RNF216: variants seen among roughly 807,000 people sequenced by gnomAD.
The protein encoded by RNF216 is E3 ubiquitin-protein ligase RNF216.
In RNF216, 72 loss-of-function variants were observed where a neutral mutation model predicts 110.8. That is an observed-to-expected ratio of 0.65 (90% confidence interval 0.54 to 0.79). The LOEUF (loss-of-function observed/expected upper bound fraction) is 0.79, where lower values mean the gene tolerates loss of function less well. RNF216 is among the 30% of genes least tolerant of loss of function. The probability of loss-of-function intolerance (pLI) is 0.00; values close to 1 mark genes in which losing one functional copy is unlikely to be tolerated. For synonymous variants in RNF216, 495 were observed against 407.5 expected (o/e 1.21, Z -2.59); for missense variants, 1,342 against 1,141.2 (o/e 1.18, Z -2.54).
chr7:5,731,484 T>C (rs1794086418), intron 5 of RNF216, among the ~76,000 whole-genome samples: 1 of 151,392 alleles, frequency 6.6e-6, no homozygotes, highest in Non-Finnish European at 1.5e-5. Flanking sequence ...AGTAAGGCTA[T>C]ATAGAGTGAG....
intron 1 of RNF216, chr7:5,766,797 T>C (rs1317784988): frequency 6.6e-6 from 1 of 152,216 alleles, no homozygotes; most frequent in Non-Finnish European, 1.5e-5. Context: ...AAGTAACAAA[T>C]GTCTGTGGCA....
chr7:5,623,331 G>A (rs991970566), intron 16 of RNF216, 152 bp from the exon 17 acceptor site: 9 of 611,266 alleles, frequency 1.5e-5, no homozygotes, highest in Non-Finnish European at 2.4e-5. Context: ...GCCACTGCAA[G>A]AAACCAAGAA....
chr7:5,627,648 G>A (rs1385405515), intron 15 of RNF216, among the ~76,000 whole-genome samples: 1 of 152,050 alleles, frequency 6.6e-6, no homozygotes, highest in African/African-American at 2.4e-5. Context: ...TCGGGAGGCT[G>A]AGGCAGGAGA....
chr7:5,759,510 G>A (rs979130033), intron 2 of RNF216, among the ~76,000 whole-genome samples: 12 of 151,806 alleles, frequency 7.9e-5, no homozygotes, highest in African/African-American at 2.9e-4. Context: ...TCACTTTATT[G>A]TAAGAATACA....
intron 10 of RNF216, among the ~76,000 whole-genome samples, chr7:5,715,695 C>T (rs1793007960): frequency 6.6e-6 from 1 of 150,864 alleles, no homozygotes; most frequent in Non-Finnish European, 1.5e-5. Context: ...CTATTGACTC[C>T]TTTTATTAAC....
At chr7:5,695,402 C>A (rs900260738) in intron 13 of RNF216, among the ~76,000 whole-genome samples, 2 of 152,126 alleles carry the variant, frequency 1.3e-5, no homozygotes, top group African/African-American at 4.8e-5. Flanking sequence ...CCGGCAGAAG[C>A]GCCACATCGC....
intron 3 of RNF216, 57 bp from the exon 4 acceptor site, chr7:5,741,872 A>G: frequency 6.6e-7 from 1 of 1,522,582 alleles, no homozygotes; most frequent in Non-Finnish European, 8.8e-7. Context: ...ATCCCTCCTT[A>G]TGTACTTATA....
In RNF216 at chr7:5,752,965, G is replaced by A. The variant is rs367900007; in HGVS notation, c.82C>T (p.Arg28Ter). The A allele has an allele frequency of 4.3e-6, 7 of 1,610,776 alleles. No homozygotes were observed. Among genetic ancestry groups the A allele is most frequent in the South Asian group, 2.2e-5 (2 of 89,912 alleles). ...CHRGQEWINL[R>*]DGPITISDSS... ...TCAGATATGGTGATGGGCCCATCTC[G>A]GAGATTGATCCACTCTACAGGAAAG... The change falls in exon 3 of 17, where the codon CGA (arginine) becomes TGA (stop). Residue 28 changes from arginine to a stop codon, truncating the protein, a stop_gained. Transcript: ENST00000389902. LOFTEE classifies it high-confidence loss of function.
chr7:5,749,099 T>A (rs1445701501), intron 3 of RNF216, among the ~76,000 whole-genome samples: 4 of 151,788 alleles, frequency 2.6e-5, no homozygotes, highest in African/African-American at 9.7e-5. Flanking sequence ...TTTTGGTAAG[T>A]AAGACCATTT....
chr7:5,723,555 G>C (rs953451465), intron 8 of RNF216, among the ~76,000 whole-genome samples: 2 of 152,000 alleles, frequency 1.3e-5, no homozygotes, highest in African/African-American at 4.8e-5. Context: ...GCTGAGGTAG[G>C]AGAATGGCGT....
chr7:5,649,754 G>GTATTACTTTAA (rs1788273881), intron 14 of RNF216: 1 of 152,212 alleles, frequency 6.6e-6, no homozygotes, highest in Non-Finnish European at 1.5e-5. Flanking sequence ...ACAGAAGAAT[G>GTATTACTTTAA]GCTCTTGGAG....
intron 5 of RNF216, among the ~76,000 whole-genome samples, chr7:5,738,022 G>C (rs1164450825): frequency 6.8e-6 from 1 of 146,178 alleles, no homozygotes; most frequent in Non-Finnish European, 1.5e-5. Context: ...GGGAGGTGGA[G>C]ACTGCTGTTT....
intron 3 of RNF216, among the ~76,000 whole-genome samples, chr7:5,744,314 G>C (rs946419792): frequency 6.6e-6 from 1 of 152,194 alleles, no homozygotes; most frequent in African/African-American, 2.4e-5. Flanking sequence ...TTGAAAGCCA[G>C]GTCAGAATAG....
At chr7:5,694,632 T>A (rs566287646) in intron 13 of RNF216, among the ~76,000 whole-genome samples, 1 of 152,322 alleles carries the variant, frequency 6.6e-6, no homozygotes, top group South Asian at 2.1e-4. Flanking sequence ...AGCCAAAGGA[T>A]GAGGCCCACT....
chr7:5,666,895 T>C (rs1357617205), intron 13 of RNF216, among the ~76,000 whole-genome samples: 1 of 150,550 alleles, frequency 6.6e-6, no homozygotes, highest in African/African-American at 2.5e-5. Context: ...CATAGCTCAC[T>C]GGGCTCAAGC....
chr7:5,706,423 T>C (rs1049955517), intron 13 of RNF216, among the ~76,000 whole-genome samples: 12 of 152,122 alleles, frequency 7.9e-5, no homozygotes, highest in Non-Finnish European at 4.4e-5. Flanking sequence ...GGGTTCTACT[T>C]TGTGTTTCTA....
chr7:5,775,240 G>A (rs1057444369), intron 1 of RNF216: 2 of 152,122 alleles, frequency 1.3e-5, no homozygotes, highest in African/African-American at 2.4e-5. Flanking sequence ...CAGAAAATAT[G>A]GGAAACAAAG....
Position 5,642,838 on chromosome 7 carries a change from T to C in RNF216, c.2160-1462A>G, listed in dbSNP as rs529160710. ...GAAAAGCTATGTGCCCAAACACAAC[T>C]GCAATTTTCTACAGCACAAACCTTC... is the stretch of plus-strand genomic sequence containing the variant. On this transcript the variant is annotated intron_variant, in intron 14 of 16. Transcript: ENST00000389902. 1.4e-4 allele frequency among the ~76,000 whole-genome samples: 22 copies of C among 152,330 alleles called. No homozygotes were observed. In the South Asian group the frequency reaches 2.9e-3, roughly 20 times the overall value.
At position 5,623,127 on chromosome 7, in the gene RNF216, C is replaced by A; in HGVS notation, c.2505G>T (p.Val835=). ...GCCTCGGGAGGGCCTCCACCCTCTG[C>A]ACCTTCTCCACAGGCTTCTCCAGCG... The part of the protein sequence containing the change: ...GPPLEKPVEK[V]QRVEALPRPV... The change falls in exon 17 of 17, where the codon GTG becomes GTT. Residue 835 remains valine, a synonymous_variant. Transcript: ENST00000389902. 6.3e-7 allele frequency: 1 copy of A among 1,597,600 alleles called. No individual in the cohort carries two copies. The highest frequency in any genetic ancestry group is 8.6e-7 in the Non-Finnish European group (1 of 1,167,796).
Sources: gnomAD v4.1 joint callset for allele counts (sites outside exome capture counted in the v4.1 genomes callset) on GRCh38, gnomAD v4.1.1 for gene constraint, MANE v1.5 for transcripts, NCBI Gene and HGNC (gene_info 2026-07-23, HGNC 2026-07-21) for gene names.